Variants in TPD52L3 observed in about 807,000 individuals in gnomAD.
The protein encoded by TPD52L3 is TPD52 like 3.
Under a neutral mutation model 8.7 loss-of-function variants are expected in TPD52L3, and 12 were observed. The ratio of observed to expected loss-of-function variants is 1.38; its 90% CI spans 0.89 to 2.24. The LOEUF (loss-of-function observed/expected upper bound fraction) is 2.24, where lower values mean the gene tolerates loss of function less well. TPD52L3 is among the 30% of genes most tolerant of loss of function. The pLI is 0.00. For synonymous variants in TPD52L3, 79 were observed against 66.8 expected, an observed-to-expected ratio of 1.18 and a Z score of -0.89; for missense variants, 207 against 158.7, an observed-to-expected ratio of 1.30 and a Z score of -1.64.
At position 6,329,415 on chromosome 9, in the gene TPD52L3, C is replaced by G. The variant is rs947703094; in HGVS notation, c.367+453C>G. On this transcript the variant is annotated intron_variant, in intron 1 of 1. Coordinates refer to ENST00000314556, the MANE Select transcript of TPD52L3 (RefSeq NM_001001874.3). Reference sequence around the variant, plus strand: ...TAGACGAAATGTGCCATTATATTAGCTTTCCTGAGACTGTATCTAATGGGC... The same window carrying G: ...TAGACGAAATGTGCCATTATATTAGGTTTCCTGAGACTGTATCTAATGGGC... The G allele has an allele frequency of 7.5e-6, 8 of 1,059,826 alleles. No homozygotes were observed. In the Admixed American group the frequency reaches 1.5e-4, roughly 20 times the overall value. 65.7% of individuals were successfully genotyped at this position (1,059,826 alleles called of 1,614,324 possible).
At chr9:6,329,683 C>T in intron 1 of TPD52L3, 1 of 1,001,720 alleles carries the variant, frequency 1.0e-6, no homozygotes, top group Non-Finnish European at 1.2e-6. Flanking sequence ...ATCAAGAAAA[C>T]TTCATCTTCT....
rs763848737 is a variant in TPD52L3, at chr9:6,328,645, C to T, written c.50C>T (p.Ser17Leu). Reference protein sequence around the residue: ...ETSVGTYESHSTSELEDLTEP... With the variant: ...ETSVGTYESHLTSELEDLTEP... ...TCTGTGGGCACATATGAATCCCACT[C>T]GACTTCTGAACTGGAGGATCTGACA... Residue 17 changes from serine (S) to leucine (L), a missense_variant, in exon 1 of 2, where the codon TCG becomes TTG. Coordinates refer to ENST00000314556, the MANE Select transcript of TPD52L3 (RefSeq NM_001001874.3). The T allele has an allele frequency of 1.4e-5, 23 of 1,613,974 alleles. No individual in the cohort carries two copies. The highest frequency in any genetic ancestry group is 1.9e-5 in the Non-Finnish European group (23 of 1,180,026).
chr9:6,331,189 C>A lies in TPD52L3; in HGVS notation c.*170C>A. 1.6e-6 allele frequency: 1 copy of A among 614,952 alleles called. No homozygotes were observed. Among genetic ancestry groups the A allele is most frequent in the Non-Finnish European group, 2.8e-6 (1 of 356,694 alleles). 38.1% of individuals were successfully genotyped at this position (614,952 alleles called of 1,614,324 possible). On this transcript the variant is annotated 3_prime_UTR_variant, in exon 2 of 2. Transcript: ENST00000314556. ...CAGGTTCTGAAAGCATAGAATTAGA[C>A]ATCGTATGTGCCCTCTAGAAACACT... is the stretch of plus-strand genomic sequence containing the variant.
rs554949077 is a variant in TPD52L3 at position 6,331,240 on chromosome 9, A to G, written c.*221A>G. 293 of 468,446 alleles carry G rather than the reference A, an allele frequency of 6.3e-4. No homozygotes were observed. Among genetic ancestry groups the G allele is most frequent in the Non-Finnish European group, 1.0e-3 (262 of 261,410 alleles). The allele number at this position is 468,446 out of a possible 1,614,324, so 29.0% of individuals were successfully genotyped here. ...TAGACTTTCAAATCATTATAATTCA[A>G]TGAGTCCTAAAATAGAGCTGTGTGC... On this transcript the variant is annotated 3_prime_UTR_variant, in exon 2 of 2. Coordinates refer to ENST00000314556, the MANE Select transcript of TPD52L3 (RefSeq NM_001001874.3).
At chr9:6,329,065 G>C (rs200629199) in intron 1 of TPD52L3, 103 bp downstream of exon 1, 23 of 1,586,786 alleles carry the variant, frequency 1.4e-5, no homozygotes, top group Non-Finnish European at 1.8e-5. Context: ...CTCAGTTTTG[G>C]GGTGTGGGGA....
rs7033960 is a variant in TPD52L3, at chr9:6,329,080, C to G, written c.367+118C>G. Reference sequence around the variant, plus strand: ...CTCAGTTTTGGGGTGTGGGGAAGACCCACTCCAGATTCCGGGGAGTGGGAA... The same window carrying G: ...CTCAGTTTTGGGGTGTGGGGAAGACGCACTCCAGATTCCGGGGAGTGGGAA... On this transcript the variant is annotated intron_variant, in intron 1 of 1. Transcript: ENST00000314556. 7.8e-3 allele frequency: 12,216 copies of G among 1,563,658 alleles called. 799 individuals are homozygous for G. The African/African-American group carries it at 0.14, about 18-fold the overall frequency.
rs781368863 is a variant in TPD52L3, at chr9:6,329,025, T to G, written c.367+63T>G. ...CAAAAGAGCTTGGCCCTGACTGTCT[T>G]TCTTCTGCGGAGGGTGGGGTTGATC... On this transcript the variant is annotated intron_variant, in intron 1 of 1. Transcript: ENST00000314556. The G allele has an allele frequency of 7.4e-6, 12 of 1,612,254 alleles. No homozygotes were observed. The East Asian group carries it at 2.2e-4, about 30-fold the overall frequency.
rs548311832 is a variant in TPD52L3, at chr9:6,330,718, T to C, written c.368-258T>C. The C allele has an allele frequency of 2.0e-5, 25 of 1,262,204 alleles. No individual in the cohort carries two copies. The Admixed American group carries it at 2.8e-4, about 14-fold the overall frequency. The allele number at this position is 1,262,204 out of a possible 1,614,324, so 78.2% of individuals were successfully genotyped here. A position where few individuals can be genotyped will look rare whatever the true frequency, so the allele number is the denominator to read the frequency against. ...GTTTATCAACCAAAATGGCTTTGTA[T>C]GCTGGAGAACAAGAGGTGAGCCTGC... On this transcript the variant is annotated intron_variant, in intron 1 of 1. Coordinates refer to ENST00000314556, the MANE Select transcript of TPD52L3 (RefSeq NM_001001874.3).
chr9:6,328,886 T>G lies in TPD52L3; in HGVS notation c.291T>G (p.Ala97=). ...ATGTGAAACAGAAGACATCAGCTGC[T>G]CTGTCCACCATGGGCACTCTCATCT... ...NTYVKQKTSA[A]LSTMGTLICR... The change falls in exon 1 of 2, where the codon GCT becomes GCG. Residue 97 remains alanine, a synonymous_variant. Coordinates refer to ENST00000314556, the MANE Select transcript of TPD52L3 (RefSeq NM_001001874.3). 1 of 1,614,198 alleles carries G rather than the reference T, an allele frequency of 6.2e-7. No homozygotes were observed. The highest frequency in any genetic ancestry group is 8.5e-7 in the Non-Finnish European group (1 of 1,180,038).
Position 6,328,557 on chromosome 9 carries a change from G to C in TPD52L3, c.-39G>C. On this transcript the variant is annotated 5_prime_UTR_variant, in exon 1 of 2. Transcript: ENST00000314556. The stretch of plus-strand genomic sequence containing the variant: ...ATTCGACTCTTTCTACCAAGAATTG[G>C]ACCTGGACTCTCTTAACGAAGATCT... The C allele has an allele frequency of 6.3e-7, 1 of 1,595,970 alleles. No homozygotes were observed. Among genetic ancestry groups the C allele is most frequent in the Non-Finnish European group, 8.5e-7 (1 of 1,173,414 alleles).
rs996364145 is a variant in TPD52L3 at position 6,329,303 on chromosome 9, C to T, written c.367+341C>T. The T allele has an allele frequency of 4.2e-5, 51 of 1,213,338 alleles. No individual in the cohort carries two copies. The African/African-American group carries it at 7.2e-4, about 17-fold the overall frequency. 75.2% of individuals were successfully genotyped at this position (1,213,338 alleles called of 1,614,324 possible). A position where few individuals can be genotyped will look rare whatever the true frequency, so the allele number is the denominator to read the frequency against. ...GTTAATTCAGGAAATTGACAGAATC[C>T]AGTTTTGAGAAAAGAACACAGATAT... On this transcript the variant is annotated intron_variant, in intron 1 of 1. Coordinates refer to ENST00000314556, the MANE Select transcript of TPD52L3 (RefSeq NM_001001874.3).
rs1818090040 is a variant in TPD52L3 at position 6,329,092 on chromosome 9, C to T, written c.367+130C>T. The T allele has an allele frequency of 1.9e-6, 3 of 1,549,400 alleles. No homozygotes were observed. In the Admixed American group the frequency reaches 5.7e-5, roughly 30 times the overall value. On this transcript the variant is annotated intron_variant, in intron 1 of 1. Coordinates refer to ENST00000314556, the MANE Select transcript of TPD52L3 (RefSeq NM_001001874.3). ...GTGTGGGGAAGACCCACTCCAGATTCCGGGGAGTGGGAATGAGCCACTCCC... is the reference window on the plus strand; with the variant it reads ...GTGTGGGGAAGACCCACTCCAGATTTCGGGGAGTGGGAATGAGCCACTCCC...
rs149439096 is a variant in TPD52L3 at position 6,329,785 on chromosome 9, G to C, written c.367+823G>C. On this transcript the variant is annotated intron_variant, in intron 1 of 1. Transcript: ENST00000314556. ...TTGTAAAACTCGTTTGTTTTCAAAG[G>C]TCTGGACTAAGCAAAACAACAGTGT... 2.1e-3 allele frequency: 2,199 copies of C among 1,038,278 alleles called. 3 individuals carry two copies. The highest frequency in any genetic ancestry group is 2.4e-3 in the Non-Finnish European group (2,061 of 855,668). 64.3% of individuals were successfully genotyped at this position (1,038,278 alleles called of 1,614,324 possible). A position where few individuals can be genotyped will look rare whatever the true frequency, so the allele number is the denominator to read the frequency against.
rs371715772 is a variant in TPD52L3 at position 6,328,676 on chromosome 9, C to T, written c.81C>T (p.Pro27=). ...CTGAACTGGAGGATCTGACAGAGCC[C>T]GAGCAAAGAGAGCTCAAAACCAAAC... ...STSELEDLTE[P]EQRELKTKLT... is the part of the protein sequence containing the mutation. The change falls in exon 1 of 2, where the codon CCC becomes CCT. Residue 27 remains proline, a synonymous_variant. Coordinates refer to ENST00000314556, the MANE Select transcript of TPD52L3 (RefSeq NM_001001874.3). 1 of 1,614,084 alleles carries T rather than the reference C, an allele frequency of 6.2e-7. No individual in the cohort carries two copies. The highest frequency in any genetic ancestry group is 1.1e-5 in the South Asian group (1 of 91,074).
chr9:6,328,963 G>C lies in TPD52L3; in HGVS notation c.367+1G>C. ...TCGGCCACATTCAGATCTTTTGAAGGTCTGATGGGGACAATCAAGTCCAAA... is the reference window on the plus strand; with the variant it reads ...TCGGCCACATTCAGATCTTTTGAAGCTCTGATGGGGACAATCAAGTCCAAA... On this transcript the variant is annotated splice_donor_variant, in intron 1 of 1. Transcript: ENST00000314556. LOFTEE classifies it high-confidence loss of function. 1 of 1,614,158 alleles carries C rather than the reference G, an allele frequency of 6.2e-7. No homozygotes were observed.
chr9:6,329,619 T>G (rs1818104219), intron 1 of TPD52L3: 1 of 1,001,664 alleles, frequency 1.0e-6, no homozygotes, highest in African/African-American at 1.7e-5. Context: ...TCCCTCAGTC[T>G]CAAAGTCACC....
chr9:6,329,040 T>A (rs750127106), intron 1 of TPD52L3, 78 bp downstream of exon 1: 18 of 1,608,104 alleles, frequency 1.1e-5, no homozygotes, highest in Non-Finnish European at 1.5e-5. Flanking sequence ...CTGCGGAGGG[T>A]GGGGTTGATC....
In TPD52L3 at chr9:6,328,975, C is replaced by A. The variant is rs763195932; in HGVS notation, c.367+13C>A. 6.2e-7 allele frequency: 1 copy of A among 1,614,010 alleles called. No individual in the cohort carries two copies. The highest frequency in any genetic ancestry group is 1.3e-5 in the African/African-American group (1 of 74,914). On this transcript the variant is annotated intron_variant, in intron 1 of 1. Coordinates refer to ENST00000314556, the MANE Select transcript of TPD52L3 (RefSeq NM_001001874.3). ...AGATCTTTTGAAGGTCTGATGGGGA[C>A]AATCAAGTCCAAAGTCTCAGGGGGC...
chr9:6,328,715 G>C lies in TPD52L3; in HGVS notation c.120G>C (p.Glu40Asp), dbSNP rs1380093007. 1 of 1,614,172 alleles carries C rather than the reference G, an allele frequency of 6.2e-7. No homozygotes were observed. Among genetic ancestry groups the C allele is most frequent in the Admixed American group, 1.7e-5 (1 of 60,022 alleles). ...RELKTKLTKL[E>D]AEIVTLRHVL... ...TCAAAACCAAACTCACTAAATTGGA[G>C]GCTGAAATTGTAACCCTACGCCACG... Residue 40 changes from glutamate to aspartate, a missense_variant, in exon 1 of 2, where the codon GAG (glutamate) becomes GAC (aspartate). Physicochemically the swap from Glu to Asp is conservative, Grantham distance 45. Transcript: ENST00000314556.
Sources: gnomAD v4.1 joint callset for allele counts on GRCh38, gnomAD v4.1.1 for gene constraint, MANE v1.5 for transcripts, NCBI Gene and HGNC (gene_info 2026-07-23, HGNC 2026-07-21) for gene names.